C10orf143: variants seen among roughly 807,000 people sequenced by gnomAD.
The protein encoded by C10orf143 is chromosome 10 open reading frame 143, also known as uncharacterized protein C10orf143.
intron 3 of C10orf143, among the ~76,000 whole-genome samples, chr10:130,044,946 T>C (rs1198645851): frequency 6.6e-6 from 1 of 152,148 alleles, no homozygotes; most frequent in African/African-American, 2.4e-5. Context: ...GGTGAAGACC[T>C]AGGCTGGAGC....
At position 130,056,860 on chromosome 10, in the gene C10orf143, G is replaced by A. The variant is rs1399973796; in HGVS notation, c.298-20890C>T. Among the ~76,000 whole-genome samples the A allele has an allele frequency of 6.6e-6, 1 of 151,830 alleles. No individual in the cohort carries two copies. On this transcript the variant is annotated intron_variant and NMD_transcript_variant, in intron 3 of 5. Coordinates refer to the C10orf143 transcript ENST00000643056. This position sits in a 1 kb window ranked among gnomAD's most constrained non-coding sequence, Gnocchi z 4.6. ...CCTGCCTCGGTCTCCCAAAGTGCTGGGATTACAGGCGTGAGCCACTGTGCC... is the reference window on the plus strand; with the variant it reads ...CCTGCCTCGGTCTCCCAAAGTGCTGAGATTACAGGCGTGAGCCACTGTGCC...
intron 1 of C10orf143, among the ~76,000 whole-genome samples, chr10:130,091,171 T>A (rs1861375757): frequency 6.6e-6 from 1 of 152,110 alleles, no homozygotes; most frequent in African/African-American, 2.4e-5. Context: ...AGAGGAGAGC[T>A]CCAGCTGGCA....
intron 3 of C10orf143, among the ~76,000 whole-genome samples, chr10:130,042,666 C>T (rs940703797): frequency 6.6e-6 from 1 of 152,236 alleles, no homozygotes; most frequent in African/African-American, 2.4e-5. Context: ...GGATCCACCT[C>T]TCCGTCCTTT....
At chr10:130,104,054 G>C (rs1424591661) in intron 1 of C10orf143, 1 of 152,186 alleles carries the variant, frequency 6.6e-6, no homozygotes, top group Non-Finnish European at 1.5e-5. Flanking sequence ...CATGAGTGTG[G>C]CCAGGGTGTG....
chr10:130,106,647 A>G (rs1351726594), intron 1 of C10orf143: 4 of 1,265,888 alleles, frequency 3.2e-6, no homozygotes, highest in Non-Finnish European at 4.6e-6. Context: ...AAAATGACTG[A>G]GAAACAACTG....
chr10:130,070,157 T>C (rs1322122399), intron 3 of C10orf143, among the ~76,000 whole-genome samples: 1 of 152,274 alleles, frequency 6.6e-6, no homozygotes, highest in Non-Finnish European at 1.5e-5. Context: ...TGTTCTTTCA[T>C]ACAGGGTTTT....
At chr10:130,090,765 GGC>G (rs1564966211) in intron 1 of C10orf143, among the ~76,000 whole-genome samples, 1 of 152,168 alleles carries the variant, frequency 6.6e-6, no homozygotes, top group Non-Finnish European at 1.5e-5. Flanking sequence ...GGCTTGAGTA[GGC>G]GGTTTTCCCC....
intron 3 of C10orf143, among the ~76,000 whole-genome samples, chr10:130,050,909 C>T (rs900314254): frequency 2.6e-5 from 4 of 152,324 alleles, no homozygotes; most frequent in Admixed American, 2.0e-4. Flanking sequence ...ACTTCCTTGT[C>T]TCCAACATGG....
Position 130,084,236 on chromosome 10 carries a change from C to T in C10orf143, c.70-4335G>A, listed in dbSNP as rs1480579550. ...GGCTGAGGCAGGAGAATCACTTGAA[C>T]ACGGGAGGTGGAGGTTGCAGTGAGC... On this transcript the variant is annotated intron_variant, in intron 1 of 3. Coordinates refer to ENST00000637128, the MANE Select transcript of C10orf143 (RefSeq NM_001355042.2). 3.9e-5 allele frequency among the ~76,000 whole-genome samples: 6 copies of T among 152,170 alleles called. No homozygotes were observed. In the South Asian group the frequency reaches 6.2e-4, roughly 16 times the overall value.
intron 3 of C10orf143, among the ~76,000 whole-genome samples, chr10:130,043,856 TCTTGCAGGTGGAACCTA>T (rs1860634915): frequency 6.6e-6 from 1 of 152,248 alleles, no homozygotes; most frequent in Non-Finnish European, 1.5e-5. Context: ...GAGCTCCGCC[TCTTGCAGGTGGAACCTA>T]CTTGTAGCTC....
intron 3 of C10orf143, among the ~76,000 whole-genome samples, chr10:130,069,616 ATT>A (rs34094262): frequency 4.0e-4 from 60 of 151,356 alleles, no homozygotes; most frequent in Non-Finnish European, 6.9e-4. Flanking sequence ...TTTCTGGAAA[ATT>A]TTTTTTTTAA....
intron 3 of C10orf143, among the ~76,000 whole-genome samples, chr10:130,071,520 C>A (rs1861032464): frequency 6.6e-6 from 1 of 152,184 alleles, no homozygotes; most frequent in African/African-American, 2.4e-5. Flanking sequence ...ATTCAAGAAA[C>A]CCATCTTTAT....
intron 3 of C10orf143, among the ~76,000 whole-genome samples, chr10:130,043,921 G>A (rs1171686654): frequency 6.6e-6 from 1 of 152,194 alleles, no homozygotes; most frequent in African/African-American, 2.4e-5. Flanking sequence ...GCACATTACA[G>A]AGGTGACACT....
At chr10:130,063,675 A>C (rs1464513614), downstream of C10orf143, among the ~76,000 whole-genome samples, 1 of 152,264 alleles carries the variant, frequency 6.6e-6, no homozygotes, top group Non-Finnish European at 1.5e-5. Context: ...CATTCCCTGC[A>C]GATAACGTGA....
chr10:130,068,932 CTAAGCGGG>C (rs1163839714), intron 3 of C10orf143, among the ~76,000 whole-genome samples: 1 of 152,098 alleles, frequency 6.6e-6, no homozygotes, highest in African/African-American at 2.4e-5. Flanking sequence ...CAACACACCT[CTAAGCGGG>C]AGTCTCAGAG....
rs1414846279 is a variant in C10orf143 at position 130,094,678 on chromosome 10, C to A, written c.70-14777G>T. On this transcript the variant is annotated intron_variant, in intron 1 of 3. Transcript: ENST00000637128. ...AGGGCCTCTGATAAAATTCACCAGC[C>A]CTTCATGCTAAAAACTCTCAATAAA... 2.0e-5 allele frequency among the ~76,000 whole-genome samples: 3 copies of A among 152,240 alleles called. No individual in the cohort carries two copies. The South Asian group carries it at 6.2e-4, about 32-fold the overall frequency.
chr10:130,083,977 A>G (rs1861249254), intron 1 of C10orf143, among the ~76,000 whole-genome samples: 1 of 152,180 alleles, frequency 6.6e-6, no homozygotes, highest in Non-Finnish European at 1.5e-5. Context: ...AATAAGTAAC[A>G]TAGCCACACT....
At chr10:130,097,512 C>A (rs1276546901) in intron 1 of C10orf143, among the ~76,000 whole-genome samples, 2 of 152,136 alleles carry the variant, frequency 1.3e-5, no homozygotes, top group African/African-American at 2.4e-5. Context: ...AATGGTGTAG[C>A]CACTTTGGAA....
intron 3 of C10orf143, among the ~76,000 whole-genome samples, chr10:130,054,170 A>G (rs1860770915): frequency 6.6e-6 from 1 of 152,166 alleles, no homozygotes; most frequent in African/African-American, 2.4e-5. Context: ...CTGACTTGCA[A>G]CTGCCCGTTT....
Sources: gnomAD v4.1 joint callset for allele counts (sites outside exome capture counted in the v4.1 genomes callset) on GRCh38, gnomAD v4.1.1 for gene constraint, Gnocchi (gnomAD v3.1) non-coding constraint, MANE v1.5 for transcripts, NCBI Gene and HGNC (gene_info 2026-07-23, HGNC 2026-07-21) for gene names.